Variants in TGM2 observed in about 807,000 individuals in gnomAD.
TGM2 encodes protein-glutamine gamma-glutamyltransferase 2.
In TGM2, 53 loss-of-function variants were observed where a neutral mutation model predicts 75.6. That is an observed-to-expected ratio of 0.70 (90% confidence interval 0.56 to 0.88). TGM2 has a LOEUF of 0.88. TGM2 is among the 40% of genes least tolerant of loss of function. The pLI is 0.00. For missense variants in TGM2, 842 were observed against 928.5 expected (o/e 0.91, Z 1.21); for synonymous variants, 374 against 381.1 (o/e 0.98, Z 0.22).
chr20:38,162,500 T>A (rs948959749), intron 1 of TGM2, among the ~76,000 whole-genome samples: 1 of 152,286 alleles, frequency 6.6e-6, no homozygotes, highest in South Asian at 2.1e-4. Flanking sequence ...GTTTCTTTAA[T>A]AAATAGATTG....
chr20:38,133,768 C>T (rs924619896), intron 10 of TGM2: 5 of 151,924 alleles, frequency 3.3e-5, no homozygotes, highest in African/African-American at 1.2e-4. Context: ...ATAAAAAATA[C>T]AAAAATTCAA....
rs996813700 is a variant in TGM2, at chr20:38,147,451, C to T, written c.681+510G>A. Among the ~76,000 whole-genome samples the T allele has an allele frequency of 1.8e-4, 27 of 152,198 alleles. 1 individual carries two copies. Among genetic ancestry groups the T allele is most frequent in the African/African-American group, 4.6e-4 (19 of 41,454 alleles). On this transcript the variant is annotated intron_variant, in intron 5 of 12. Coordinates refer to ENST00000361475, the MANE Select transcript of TGM2 (RefSeq NM_004613.4). ...TTCTCAGGGCCTTTGCACAGCTGTG[C>T]CCTCTGCCTGGAATGCCCTTCTCCT... is the stretch of plus-strand genomic sequence containing the variant.
intron 1 of TGM2, among the ~76,000 whole-genome samples, chr20:38,162,267 T>C (rs2075263382): frequency 6.6e-6 from 1 of 152,238 alleles, no homozygotes; most frequent in Non-Finnish European, 1.5e-5. Flanking sequence ...CAATGTCTGT[T>C]GTGTAATAAA....
chr20:38,155,573 G>C (rs2075174010), intron 3 of TGM2, among the ~76,000 whole-genome samples: 1 of 152,014 alleles, frequency 6.6e-6, no homozygotes, highest in Non-Finnish European at 1.5e-5. Flanking sequence ...TTTAACTCCT[G>C]GCTCGCTCAA....
chr20:38,131,115 C>G lies in TGM2; in HGVS notation c.1891G>C (p.Glu631Gln). 6.2e-7 allele frequency: 1 copy of G among 1,613,208 alleles called. No homozygotes were observed. The highest frequency in any genetic ancestry group is 8.5e-7 in the Non-Finnish European group (1 of 1,180,000). Residue 631 changes from glutamate to glutamine, a missense_variant, in exon 12 of 13, where the codon GAG becomes CAG. By Grantham distance (29) the Glu-to-Gln change is conservative. Coordinates refer to ENST00000361475, the MANE Select transcript of TGM2 (RefSeq NM_004613.4). Reference protein sequence around the residue: ...TFTVEGAGLTEEQKTVEIPDP... With the variant: ...TFTVEGAGLTQEQKTVEIPDP... Reference sequence around the variant, plus strand: ...TACATCTCCACCGTCTTCTGCTCCTCAGTCAGGCCGGCCCCCTCCACAGTG... The same window carrying G: ...TACATCTCCACCGTCTTCTGCTCCTGAGTCAGGCCGGCCCCCTCCACAGTG...
Position 38,128,455 on chromosome 20 carries a change from A to G in TGM2, c.*1764T>C, listed in dbSNP as rs1285607122. On this transcript the variant is annotated 3_prime_UTR_variant, in exon 13 of 13. Transcript: ENST00000361475. ...CCAAACTCATAAAGGAACAGACCAG[A>G]CCTAGTTTGAGTGTGAAAAATAAAC... is the stretch of plus-strand genomic sequence containing the variant. 1 of 152,144 alleles carries G rather than the reference A, an allele frequency of 6.6e-6. No individual in the cohort carries two copies. The highest frequency in any genetic ancestry group is 2.4e-5 in the African/African-American group (1 of 41,426). 9.4% of individuals were successfully genotyped at this position (152,144 alleles called of 1,614,324 possible). A position where few individuals can be genotyped will look rare whatever the true frequency, so the allele number is the denominator to read the frequency against.
At chr20:38,148,736 C>T (rs1326603470) in intron 4 of TGM2, among the ~76,000 whole-genome samples, 1 of 152,220 alleles carries the variant, frequency 6.6e-6, no homozygotes, top group Non-Finnish European at 1.5e-5. Flanking sequence ...CTCACTGCCC[C>T]AGGGCCCTTG....
intron 8 of TGM2, among the ~76,000 whole-genome samples, chr20:38,140,722 A>G (rs2074961496): frequency 6.6e-6 from 1 of 152,226 alleles, no homozygotes; most frequent in Non-Finnish European, 1.5e-5. Flanking sequence ...ATAAAGAAGC[A>G]TATGTTATTA....
chr20:38,156,234 G>A (rs1212563499), intron 2 of TGM2, 145 bp from the exon 3 acceptor site: 9 of 1,090,834 alleles, frequency 8.3e-6, no homozygotes, highest in Non-Finnish European at 9.0e-6. Context: ...TTGTCTCCCT[G>A]AGCCTCAGTT....
At chr20:38,165,889 A>T (rs1486291552), upstream of TGM2, among the ~76,000 whole-genome samples, 1 of 152,082 alleles carries the variant, frequency 6.6e-6, no homozygotes. Flanking sequence ...ACACCAGGAC[A>T]TAGATACAGC....
rs746189148 is a variant in TGM2, at chr20:38,132,449, G to C, written c.1667C>G (p.Thr556Arg). ...ILYEKYRDCL[T>R]ESNLIKVRAL... Reference sequence around the variant, plus strand: ...CCGCACCTTGATGAGGTTGGACTCCGTAAGGCAGTCACGGTATTTCTCATA... The same window carrying C: ...CCGCACCTTGATGAGGTTGGACTCCCTAAGGCAGTCACGGTATTTCTCATA... Residue 556 changes from threonine (T) to arginine (R), a missense_variant, in exon 11 of 13, where the codon ACG (threonine) becomes AGG (arginine). Physicochemically the swap from Thr to Arg is moderately conservative, Grantham distance 71. Coordinates refer to ENST00000361475, the MANE Select transcript of TGM2 (RefSeq NM_004613.4). The C allele has an allele frequency of 3.1e-6, 5 of 1,614,052 alleles. No individual in the cohort carries two copies. In the South Asian group the frequency reaches 5.5e-5, roughly 18 times the overall value.
intron 10 of TGM2, 124 bp downstream of exon 10, chr20:38,137,989 T>G: frequency 4.1e-6 from 6 of 1,471,438 alleles, no homozygotes; most frequent in Non-Finnish European, 5.4e-6. Flanking sequence ...GGACAGGGCC[T>G]GCCCCAGAGT....
chr20:38,135,487 C>A (rs1405702899), intron 10 of TGM2, among the ~76,000 whole-genome samples: 1 of 151,818 alleles, frequency 6.6e-6, no homozygotes, highest in East Asian at 1.9e-4. Context: ...AAGCACCTTC[C>A]CCTTTGTGTG....
In TGM2 at chr20:38,138,250, G is replaced by A. The variant is rs1285679915; in HGVS notation, c.1478C>T (p.Ala493Val). 6.2e-7 allele frequency: 1 copy of A among 1,613,710 alleles called. No individual in the cohort carries two copies. The highest frequency in any genetic ancestry group is 8.5e-7 in the Non-Finnish European group (1 of 1,179,820). ...MNMGSDFDVF[A>V]HITNNTAEEY... The stretch of plus-strand genomic sequence containing the variant: ...CTCAGCGGTGTTGTTGGTGATGTGG[G>A]CAAAGACGTCAAAGTCACTGCCCAT... The change falls in exon 10 of 13, where the codon GCC becomes GTC. Residue 493 changes from alanine (A) to valine (V), a missense_variant. Transcript: ENST00000361475.
chr20:38,131,240 G>C lies in TGM2; in HGVS notation c.1777-11C>G, dbSNP rs1323022937. ...GGGCTCCCCAAGGATCTGGAAGAGG[G>C]CATGGGGCAGATGTCAAGGGCAGGT... On this transcript the variant is annotated splice_polypyrimidine_tract_variant and intron_variant, in intron 11 of 12. Transcript: ENST00000361475. The C allele has an allele frequency of 1.2e-6, 2 of 1,613,362 alleles. No homozygotes were observed. The highest frequency in any genetic ancestry group is 2.7e-5 in the African/African-American group (2 of 74,876).
rs1568695252 is a variant in TGM2, at chr20:38,149,690, A to AAAAAAAACAAAAAAAC, written c.552+1248_552+1249insGTTTTTTTGTTTTTTT. On this transcript the variant is annotated intron_variant, in intron 4 of 12. Transcript: ENST00000361475. ...CGAGACTCCGCCTCAAAAAAAAAAA[A>AAAAAAAACAAAAAAAC]AAAAAAAAAAACAGGACCCTGGGAA... Among the ~76,000 whole-genome samples the AAAAAAAACAAAAAAAC allele has an allele frequency of 1.5e-4, 22 of 148,896 alleles. 2 individuals are homozygous for AAAAAAAACAAAAAAAC. The highest frequency in any genetic ancestry group is 5.6e-4 in the African/African-American group (22 of 39,302).
upstream of TGM2, among the ~76,000 whole-genome samples, chr20:38,168,320 G>A (rs974329424): frequency 6.6e-6 from 1 of 152,198 alleles, no homozygotes; most frequent in Non-Finnish European, 1.5e-5. Context: ...CCCTCTCTGG[G>A]TTTCAGTTTT....
intron 1 of TGM2, among the ~76,000 whole-genome samples, chr20:38,162,361 C>T (rs1287464108): frequency 1.3e-5 from 2 of 152,188 alleles, no homozygotes; most frequent in Non-Finnish European, 2.9e-5. Flanking sequence ...AGGTCAATTA[C>T]ATGGCCTTTG....
At position 38,161,541 on chromosome 20, in the gene TGM2, C is replaced by T. The variant is rs753614429; in HGVS notation, c.69G>A (p.Thr23=). The part of the protein sequence containing the change: ...ELETNGRDHH[T]ADLCREKLVV... Reference sequence around the variant, plus strand: ...CCAGCTTCTCCCGGCACAGGTCGGCCGTGTGGTGGTCTCGGCCATTGGTCT... The same window carrying T: ...CCAGCTTCTCCCGGCACAGGTCGGCTGTGTGGTGGTCTCGGCCATTGGTCT... Residue 23 remains threonine, a synonymous_variant, in exon 2 of 13, where the codon ACG becomes ACA. Coordinates refer to ENST00000361475, the MANE Select transcript of TGM2 (RefSeq NM_004613.4). The T allele has an allele frequency of 8.7e-6, 14 of 1,614,034 alleles. No individual in the cohort carries two copies. The Middle Eastern group carries it at 6.6e-4, about 76-fold the overall frequency.
Sources: allele counts gnomAD v4.1 joint callset (sites outside exome capture counted in the v4.1 genomes callset), GRCh38; gene constraint gnomAD v4.1.1; transcripts MANE v1.5; gene names NCBI Gene and HGNC (gene_info 2026-07-23, HGNC 2026-07-21).